The following CEP85L variants were observed in gnomAD, a reference collection of about 807,000 sequenced individuals.
The protein encoded by CEP85L is centrosomal protein 85L.
In CEP85L, 60 loss-of-function variants were observed where a neutral mutation model predicts 100.3. The ratio of observed to expected loss-of-function variants is 0.60; its 90% CI spans 0.49 to 0.74. The LOEUF (loss-of-function observed/expected upper bound fraction) is 0.74. Among genes scored for constraint, CEP85L ranks in the 30% least tolerant of loss-of-function variants. The probability of loss-of-function intolerance (pLI) is 0.00; values close to 1 mark genes in which losing one functional copy is unlikely to be tolerated. For missense variants in CEP85L, 973 were observed against 936.2 expected (o/e 1.04, Z -0.51); for synonymous variants, 319 against 322.7 (o/e 0.99, Z 0.12).
chr6:118,582,790 C>T (rs956952428), intron 2 of CEP85L, among the ~76,000 whole-genome samples: 2 of 152,116 alleles, frequency 1.3e-5, no homozygotes, highest in African/African-American at 4.8e-5. Context: ...TCCTGAAGGA[C>T]AAGTTTATTA....
At chr6:118,596,042 T>C (rs1781443171) in intron 2 of CEP85L, among the ~76,000 whole-genome samples, 1 of 152,112 alleles carries the variant, frequency 6.6e-6, no homozygotes, top group East Asian at 1.9e-4. Context: ...CTCAGCTGGG[T>C]GTTGTAATAA....
intron 1 of CEP85L, among the ~76,000 whole-genome samples, chr6:118,646,420 G>A (rs1775194336): frequency 6.6e-6 from 1 of 152,060 alleles, no homozygotes; most frequent in African/African-American, 2.4e-5. Flanking sequence ...TGTAATCCCA[G>A]CACTCTCGGA....
chr6:118,581,979 T>C (rs1027241691), intron 2 of CEP85L, among the ~76,000 whole-genome samples: 1 of 152,184 alleles, frequency 6.6e-6, no homozygotes, highest in Admixed American at 6.5e-5. Context: ...GTACAGACTT[T>C]CTTTGCCCTG....
At chr6:118,676,832 C>T (rs538142103) in intron 1 of CEP85L, among the ~76,000 whole-genome samples, 64 of 152,302 alleles carry the variant, frequency 4.2e-4, no homozygotes, top group South Asian at 2.7e-3. Context: ...CTTTTCTCTA[C>T]GCCCTTGTCA....
intron 5 of CEP85L, among the ~76,000 whole-genome samples, chr6:118,495,428 C>T (rs933248703): frequency 2.6e-5 from 4 of 152,098 alleles, no homozygotes; most frequent in Non-Finnish European, 5.9e-5. Flanking sequence ...CTCGTGATAG[C>T]GGGTGAGTTC....
At chr6:118,476,043 C>T (rs963177291) in intron 10 of CEP85L, among the ~76,000 whole-genome samples, 15 of 152,088 alleles carry the variant, frequency 9.9e-5, no homozygotes, top group African/African-American at 3.6e-4. Context: ...ATGTGAGTAT[C>T]CATATAGATT....
At chr6:118,599,846 T>C (rs1354522184) in intron 2 of CEP85L, among the ~76,000 whole-genome samples, 1 of 152,134 alleles carries the variant, frequency 6.6e-6, no homozygotes, top group Admixed American at 6.5e-5. Context: ...AAGACATCTA[T>C]AAAATATTTG....
intron 5 of CEP85L, among the ~76,000 whole-genome samples, chr6:118,497,362 A>G (rs188745063): frequency 3.1e-4 from 47 of 152,334 alleles, no homozygotes; most frequent in African/African-American, 1.1e-3. Context: ...TAGACTGGAC[A>G]TAATCAACAA....
At chr6:118,518,544 G>A (rs1776421665) in intron 4 of CEP85L, among the ~76,000 whole-genome samples, 1 of 152,180 alleles carries the variant, frequency 6.6e-6, no homozygotes, top group Non-Finnish European at 1.5e-5. Context: ...TTCTCTGATA[G>A]TAGTTTGTAA....
chr6:118,638,055 T>C (rs1307093393), intron 1 of CEP85L, among the ~76,000 whole-genome samples: 1 of 152,090 alleles, frequency 6.6e-6, no homozygotes, highest in Non-Finnish European at 1.5e-5. Context: ...TGTTAATTTA[T>C]TCATTACAAA....
At chr6:118,538,582 T>C (rs1028112000) in intron 3 of CEP85L, among the ~76,000 whole-genome samples, 1 of 152,060 alleles carries the variant, frequency 6.6e-6, no homozygotes, top group Non-Finnish European at 1.5e-5. Flanking sequence ...AGTATTATCA[T>C]GTCTTTAAAA....
intron 1 of CEP85L, among the ~76,000 whole-genome samples, chr6:118,646,657 T>C (rs929541242): frequency 2.6e-5 from 4 of 152,020 alleles, no homozygotes; most frequent in Admixed American, 1.3e-4. Context: ...TGAGACTCTG[T>C]CTCAAAAAAA....
At chr6:118,541,769 T>G (rs1005596731) in intron 3 of CEP85L, among the ~76,000 whole-genome samples, 2 of 152,212 alleles carry the variant, frequency 1.3e-5, no homozygotes, top group African/African-American at 4.8e-5. Flanking sequence ...CACTTGATCT[T>G]AACTAAAAGT....
At position 118,491,877 on chromosome 6, in the gene CEP85L, GA is replaced by G. The variant is rs779592033; in HGVS notation, c.1258-13del. ...TTCTCATATTGTGGCTGTTAGGAAA[GA>G]AAAAAAGGAGGTAAGACTTTAAAAG... On this transcript the variant is annotated splice_polypyrimidine_tract_variant and intron_variant, in intron 5 of 12. Transcript: ENST00000368491. 14 of 1,563,626 alleles carry G rather than the reference GA, an allele frequency of 9.0e-6. No homozygotes were observed. In the African/African-American group the frequency reaches 1.3e-4, roughly 14 times the overall value.
chr6:118,666,957 C>G (rs1370898057), intron 1 of CEP85L, among the ~76,000 whole-genome samples: 2 of 152,188 alleles, frequency 1.3e-5, no homozygotes, highest in Non-Finnish European at 2.9e-5. Context: ...TGGCTGCTTT[C>G]AAAACCAATC....
intron 2 of CEP85L, among the ~76,000 whole-genome samples, chr6:118,618,763 C>T (rs577100344): frequency 6.6e-6 from 1 of 152,142 alleles, no homozygotes; most frequent in Non-Finnish European, 1.5e-5. Flanking sequence ...TCAACCATCC[C>T]CTTTGAGCTT....
chr6:118,625,823 G>T (rs1168098695), intron 2 of CEP85L, among the ~76,000 whole-genome samples: 1 of 152,220 alleles, frequency 6.6e-6, no homozygotes, highest in Middle Eastern at 3.4e-3. Flanking sequence ...CTCGCCTTCG[G>T]TCCCTGTATT....
At chr6:118,506,926 C>A (rs1270081084) in intron 5 of CEP85L, among the ~76,000 whole-genome samples, 1 of 152,146 alleles carries the variant, frequency 6.6e-6, no homozygotes, top group Non-Finnish European at 1.5e-5. Context: ...ACAAGTTGTG[C>A]TCTTCTGCTA....
At chr6:118,615,955 T>A (rs985465870) in intron 2 of CEP85L, among the ~76,000 whole-genome samples, 1 of 152,194 alleles carries the variant, frequency 6.6e-6, no homozygotes, top group African/African-American at 2.4e-5. Flanking sequence ...CTGTATCCTT[T>A]AGCTGTAACA....
Sources: gnomAD v4.1 joint callset for allele counts (sites outside exome capture counted in the v4.1 genomes callset) on GRCh38, gnomAD v4.1.1 for gene constraint, MANE v1.5 for transcripts, NCBI Gene and HGNC (gene_info 2026-07-23, HGNC 2026-07-21) for gene names.